The following RABGAP1L variants were observed in gnomAD, a reference collection of about 807,000 sequenced individuals.
The protein encoded by RABGAP1L is rab GTPase-activating protein 1-like.
A neutral mutation model predicts 137.7 loss-of-function variants in RABGAP1L; 63 were observed. The observed-to-expected ratio is 0.46, with a 90% CI of 0.37 to 0.56. The LOEUF (loss-of-function observed/expected upper bound fraction) is 0.56, where lower values mean the gene tolerates loss of function less well. RABGAP1L is among the 20% of genes least tolerant of loss of function. RABGAP1L has a pLI of 0.00. For missense variants in RABGAP1L, 1,095 were observed against 1,244.0 expected, an observed-to-expected ratio of 0.88 and a Z score of 1.80; for synonymous variants, 431 against 433.7, an observed-to-expected ratio of 0.99 and a Z score of 0.08.
At chr1:174,716,844 C>A (rs1389353538) in intron 17 of RABGAP1L, among the ~76,000 whole-genome samples, 3 of 152,094 alleles carry the variant, frequency 2.0e-5, no homozygotes, top group South Asian at 4.2e-4. Flanking sequence ...CAGCTTGGAC[C>A]ACATCATGTC....
At chr1:174,677,622 GT>G (rs1677739962) in intron 14 of RABGAP1L, among the ~76,000 whole-genome samples, 1 of 152,138 alleles carries the variant, frequency 6.6e-6, no homozygotes, top group South Asian at 2.1e-4. Context: ...TAGCCTTGGA[GT>G]TGGAATTGCC....
chr1:174,163,430 T>C (rs1664666689), intron 1 of RABGAP1L, among the ~76,000 whole-genome samples: 1 of 152,196 alleles, frequency 6.6e-6, no homozygotes. Flanking sequence ...AACTCTTTTT[T>C]GTTATCTTTT....
rs145581315 is a variant in RABGAP1L, at chr1:174,890,745, T to G, written c.2341-66712T>G. Reference sequence around the variant, plus strand: ...AGAGCTCTTGGTGGCCCTTTTATGTTCTGTACTTTGCTTTTCTCACTTAAC... The same window carrying G: ...AGAGCTCTTGGTGGCCCTTTTATGTGCTGTACTTTGCTTTTCTCACTTAAC... On this transcript the variant is annotated intron_variant, in intron 19 of 25. Transcript: ENST00000681986. Among the ~76,000 whole-genome samples, 111 of 152,346 alleles carry G rather than the reference T, an allele frequency of 7.3e-4. 1 individual carries two copies. Among genetic ancestry groups the G allele is most frequent in the African/African-American group, 2.5e-3 (103 of 41,584 alleles).
chr1:174,923,867 C>T (rs1355422083), intron 19 of RABGAP1L, among the ~76,000 whole-genome samples: 11 of 133,330 alleles, frequency 8.3e-5, no homozygotes, highest in Admixed American at 6.7e-4. Context: ...GGCGACTGAG[C>T]GAGACTGTCT....
At chr1:174,458,508 A>G (rs894819236) in intron 13 of RABGAP1L, among the ~76,000 whole-genome samples, 2 of 152,092 alleles carry the variant, frequency 1.3e-5, no homozygotes, top group Non-Finnish European at 2.9e-5. Context: ...AATTTCTAGC[A>G]TATGAATAAA....
At chr1:174,595,540 A>G (rs1359393911) in intron 13 of RABGAP1L, among the ~76,000 whole-genome samples, 2 of 123,994 alleles carry the variant, frequency 1.6e-5, no homozygotes, top group African/African-American at 3.2e-5. Context: ...TTCGGTGTAG[A>G]TGTCCTTTCT....
At chr1:174,224,358 C>T (rs933391742) in intron 3 of RABGAP1L, among the ~76,000 whole-genome samples, 1 of 151,966 alleles carries the variant, frequency 6.6e-6, no homozygotes. Context: ...GCCTGTAATC[C>T]CAGCTGAGAA....
chr1:174,718,312 G>A (rs756429406), intron 17 of RABGAP1L, among the ~76,000 whole-genome samples: 10 of 152,172 alleles, frequency 6.6e-5, no homozygotes, highest in South Asian at 2.1e-4. Flanking sequence ...AGGATCTACC[G>A]TATATAAGCC....
intron 22 of RABGAP1L, among the ~76,000 whole-genome samples, chr1:174,977,573 C>G (rs1341126884): frequency 6.6e-6 from 1 of 152,122 alleles, no homozygotes; most frequent in Non-Finnish European, 1.5e-5. Context: ...TGCTTTGCAC[C>G]CTTCCTCCCC....
At chr1:174,305,262 A>G in intron 11 of RABGAP1L, 135 bp downstream of exon 11, 2 of 884,312 alleles carry the variant, frequency 2.3e-6, no homozygotes, top group East Asian at 3.3e-5. Flanking sequence ...AAATTCTACA[A>G]GGTGCAGAAA....
At chr1:174,576,758 T>G (rs1230891438) in intron 13 of RABGAP1L, among the ~76,000 whole-genome samples, 2 of 152,226 alleles carry the variant, frequency 1.3e-5, no homozygotes, top group African/African-American at 4.8e-5. Context: ...TTTAACATCC[T>G]ATGATTCACT....
chr1:174,524,869 G>A (rs562553219), intron 13 of RABGAP1L, among the ~76,000 whole-genome samples: 2 of 148,692 alleles, frequency 1.3e-5, no homozygotes, highest in South Asian at 4.3e-4. Context: ...ATGGATATCC[G>A]ATTTTCCCAG....
At chr1:174,258,652 A>T (rs1673318940) in intron 7 of RABGAP1L, among the ~76,000 whole-genome samples, 1 of 152,210 alleles carries the variant, frequency 6.6e-6, no homozygotes, top group African/African-American at 2.4e-5. Context: ...ATATAAAAGC[A>T]TTGGTGTGAA....
intron 1 of RABGAP1L, among the ~76,000 whole-genome samples, chr1:174,168,711 A>T (rs371398996): frequency 1.3e-5 from 2 of 152,154 alleles, no homozygotes; most frequent in African/African-American, 4.8e-5. Flanking sequence ...GGCAAAGTTA[A>T]TGGGGAAATG....
intron 3 of RABGAP1L, among the ~76,000 whole-genome samples, chr1:174,227,882 A>G (rs1245889758): frequency 7.0e-6 from 1 of 142,920 alleles, no homozygotes. Flanking sequence ...AGTCTGTTAT[A>G]TTTTGAAGAA....
At chr1:174,306,739 A>G (rs1470795592) in intron 11 of RABGAP1L, among the ~76,000 whole-genome samples, 1 of 151,964 alleles carries the variant, frequency 6.6e-6, no homozygotes, top group Admixed American at 6.6e-5. Context: ...TATTTACTAC[A>G]TGGTTGCTGC....
intron 13 of RABGAP1L, among the ~76,000 whole-genome samples, chr1:174,582,287 T>A (rs1668803086): frequency 1.3e-5 from 2 of 151,006 alleles, no homozygotes; most frequent in African/African-American, 2.4e-5. Context: ...CTTAGAAAAA[T>A]AAAAATAAAA....
At chr1:174,190,162 G>A (rs562770877) in intron 1 of RABGAP1L, among the ~76,000 whole-genome samples, 112 of 152,188 alleles carry the variant, frequency 7.4e-4, no homozygotes, top group African/African-American at 2.5e-3. Flanking sequence ...AATTAGCTGG[G>A]CATGGTGGCG....
In RABGAP1L at chr1:174,860,159, G is replaced by T. The variant is rs868776509; in HGVS notation, c.2340+48199G>T. Among the ~76,000 whole-genome samples the T allele has an allele frequency of 2.0e-5, 3 of 151,822 alleles. No homozygotes were observed. The South Asian group carries it at 6.2e-4, about 31-fold the overall frequency. On this transcript the variant is annotated intron_variant, in intron 19 of 25. Transcript: ENST00000681986. ...TGGCCCTCACTAGCTTTTGCATCAA[G>T]GTTTGCTCAGTGTGGACTTTACGAA...
Sources: gnomAD v4.1 joint callset for allele counts (sites outside exome capture counted in the v4.1 genomes callset) on GRCh38, gnomAD v4.1.1 for gene constraint, MANE v1.5 for transcripts, NCBI Gene and HGNC (gene_info 2026-07-23, HGNC 2026-07-21) for gene names.